Variants in PGM2L1 observed in about 807,000 individuals in gnomAD.
PGM2L1 encodes the protein phosphoglucomutase 2 like 1, also known as glucose 1,6-bisphosphate synthase.
A neutral mutation model predicts 73.4 loss-of-function variants in PGM2L1; 35 were observed. The observed-to-expected ratio is 0.48, with a 90% CI of 0.36 to 0.63. PGM2L1 has a LOEUF of 0.63. Ranked by LOEUF, PGM2L1 falls within the 30% of genes least tolerant of loss-of-function variation. The pLI is 0.00. For synonymous variants in PGM2L1, 225 were observed against 253.8 expected (o/e 0.89, Z 1.08); for missense variants, 570 against 742.0 (o/e 0.77, Z 2.69).
At chr11:74,384,532 T>C (rs1171336614) in intron 1 of PGM2L1, among the ~76,000 whole-genome samples, 2 of 151,864 alleles carry the variant, frequency 1.3e-5, no homozygotes, top group Non-Finnish European at 2.9e-5. Context: ...TCCTTATATG[T>C]TTGGTTATCT....
chr11:74,374,062 AAAAAAAAAAAC>A (rs1010026924), intron 2 of PGM2L1, among the ~76,000 whole-genome samples: 2 of 148,964 alleles, frequency 1.3e-5, no homozygotes, highest in African/African-American at 4.9e-5. Flanking sequence ...CAAAAAAAAA[AAAAAAAAAAAC>A]CAGACTGAGA....
At chr11:74,381,026 T>G (rs1296871292) in intron 1 of PGM2L1, among the ~76,000 whole-genome samples, 1 of 152,176 alleles carries the variant, frequency 6.6e-6, no homozygotes, top group Non-Finnish European at 1.5e-5. Context: ...GACTTTAGAT[T>G]CCAAGCAGAT....
intron 5 of PGM2L1, among the ~76,000 whole-genome samples, chr11:74,365,858 C>G (rs988218056): frequency 2.6e-4 from 39 of 152,212 alleles, no homozygotes; most frequent in African/African-American, 9.2e-4. Context: ...AATCCCATTA[C>G]TGGGTATATA....
chr11:74,362,183 G>C (rs1862575080), intron 5 of PGM2L1, among the ~76,000 whole-genome samples: 1 of 152,224 alleles, frequency 6.6e-6, no homozygotes. Context: ...AAACCCATCA[G>C]ACTAACAGCT....
intron 10 of PGM2L1, 114 bp from the exon 11 acceptor site, chr11:74,343,128 T>G: frequency 4.4e-6 from 6 of 1,371,040 alleles, no homozygotes; most frequent in Non-Finnish European, 5.9e-6. Flanking sequence ...TAGATGAAAC[T>G]CATCAATACT....
At chr11:74,363,280 GA>G (rs1862595566) in intron 5 of PGM2L1, among the ~76,000 whole-genome samples, 1 of 152,062 alleles carries the variant, frequency 6.6e-6, no homozygotes, top group Non-Finnish European at 1.5e-5. Context: ...GCCCACAAGA[GA>G]AAGCAGGAAA....
chr11:74,342,700 A>G (rs371360638), intron 11 of PGM2L1, 50 bp from the exon 12 acceptor site: 156 of 1,437,904 alleles, frequency 1.1e-4, no homozygotes, highest in Non-Finnish European at 1.3e-4. Flanking sequence ...AACTCTTTAA[A>G]AAAGCATATA....
intron 4 of PGM2L1, 27 bp downstream of exon 4, chr11:74,370,875 A>G (rs1591183610): frequency 1.3e-6 from 2 of 1,548,934 alleles, no homozygotes; most frequent in Non-Finnish European, 1.8e-6. Flanking sequence ...GCAGCAAGCT[A>G]TATGATCACC....
At chr11:74,376,011 G>C (rs1279255040) in intron 1 of PGM2L1, among the ~76,000 whole-genome samples, 1 of 152,146 alleles carries the variant, frequency 6.6e-6, no homozygotes, top group Non-Finnish European at 1.5e-5. Context: ...CGTTTAGAGG[G>C]TACATAGCAC....
chr11:74,383,399 G>A (rs898422132), intron 1 of PGM2L1, among the ~76,000 whole-genome samples: 1 of 152,104 alleles, frequency 6.6e-6, no homozygotes, highest in Non-Finnish European at 1.5e-5. Context: ...GATTACTTAT[G>A]TAATCAAGGA....
intron 1 of PGM2L1, among the ~76,000 whole-genome samples, chr11:74,383,824 A>AATAAATAAATATATATATATATATATAT (rs61026077): frequency 2.0e-4 from 24 of 121,824 alleles, no homozygotes; most frequent in African/African-American, 3.1e-4. Flanking sequence ...TATATAAATA[A>AATAAATAAATATATATATATATATATAT]ATATATATAT....
rs1159638769 is a variant in PGM2L1 at position 74,332,218 on chromosome 11, T to C, written c.*4434A>G. ...TCCCCAAGTACAAGGAAACCTGAAA[T>C]AGAATGTTATGTCAATTGCCCATTC... On this transcript the variant is annotated 3_prime_UTR_variant, in exon 14 of 14. Coordinates refer to ENST00000298198, the MANE Select transcript of PGM2L1 (RefSeq NM_173582.6). 6.6e-6 allele frequency: 1 copy of C among 152,230 alleles called. No homozygotes were observed. The highest frequency in any genetic ancestry group is 2.4e-5 in the African/African-American group (1 of 41,448). 9.4% of individuals were successfully genotyped at this position (152,230 alleles called of 1,614,324 possible).
At chr11:74,379,155 AC>A (rs1341186605) in intron 1 of PGM2L1, among the ~76,000 whole-genome samples, 2 of 152,180 alleles carry the variant, frequency 1.3e-5, no homozygotes, top group East Asian at 3.9e-4. Flanking sequence ...CATCTGCTCC[AC>A]TTCTGGTGAG....
intron 12 of PGM2L1, among the ~76,000 whole-genome samples, chr11:74,338,916 C>T (rs1280480656): frequency 6.6e-6 from 1 of 151,694 alleles, no homozygotes; most frequent in Non-Finnish European, 1.5e-5. Flanking sequence ...GTTTTTTTAA[C>T]CACAATTGAA....
chr11:74,349,212 T>G (rs1862312781), intron 6 of PGM2L1, among the ~76,000 whole-genome samples: 1 of 152,206 alleles, frequency 6.6e-6, no homozygotes. Flanking sequence ...CAGAACAAAT[T>G]AAGAGAAAGT....
chr11:74,339,874 C>T (rs983138947), intron 12 of PGM2L1, among the ~76,000 whole-genome samples: 1 of 152,216 alleles, frequency 6.6e-6, no homozygotes, highest in African/African-American at 2.4e-5. Flanking sequence ...TGGCCAACTC[C>T]TAATCATACT....
chr11:74,339,074 AAAGT>A (rs1199394748), intron 12 of PGM2L1, among the ~76,000 whole-genome samples: 6 of 152,230 alleles, frequency 3.9e-5, no homozygotes, highest in African/African-American at 1.2e-4. Flanking sequence ...ATAATCCTGC[AAAGT>A]AAGTGTTACC....
chr11:74,348,775 G>A (rs549240900), intron 6 of PGM2L1, among the ~76,000 whole-genome samples: 6 of 152,228 alleles, frequency 3.9e-5, no homozygotes, highest in African/African-American at 1.4e-4. Context: ...TGTATCTCCA[G>A]TATGTAGACT....
intron 5 of PGM2L1, chr11:74,354,949 C>T: frequency 2.1e-6 from 2 of 944,988 alleles, no homozygotes; most frequent in Non-Finnish European, 3.4e-6. Flanking sequence ...AAATACCACA[C>T]TGTGAATGGC....
Sources: allele counts gnomAD v4.1 joint callset (sites outside exome capture counted in the v4.1 genomes callset), GRCh38; gene constraint gnomAD v4.1.1; transcripts MANE v1.5; gene names NCBI Gene and HGNC (gene_info 2026-07-23, HGNC 2026-07-21).